IMPG1: variants seen among roughly 807,000 people sequenced by gnomAD.
IMPG1 encodes the protein interphotoreceptor matrix proteoglycan 1.
A neutral mutation model predicts 92.0 loss-of-function variants in IMPG1; 85 were observed. That is an observed-to-expected ratio of 0.92 (90% CI 0.78 to 1.11). The LOEUF is 1.11. Among genes scored for constraint, IMPG1 ranks in the 50% least tolerant of loss-of-function variants. IMPG1 has a pLI of 0.00. For synonymous variants in IMPG1, 367 were observed against 334.1 expected, an observed-to-expected ratio of 1.10 and a Z score of -1.08; for missense variants, 1,022 against 956.0, an observed-to-expected ratio of 1.07 and a Z score of -0.91.
At chr6:75,998,118 G>A (rs1360365666) in intron 12 of IMPG1, among the ~76,000 whole-genome samples, 1 of 152,174 alleles carries the variant, frequency 6.6e-6, no homozygotes, top group Non-Finnish European at 1.5e-5. Flanking sequence ...TGAGTGGTGT[G>A]ACCAGAACTG....
intron 12 of IMPG1, among the ~76,000 whole-genome samples, chr6:75,963,201 G>A (rs192815462): frequency 1.3e-5 from 2 of 152,182 alleles, no homozygotes; most frequent in Admixed American, 1.3e-4. Context: ...AGAGGGGATG[G>A]TATTGCAAGA....
intron 4 of IMPG1, among the ~76,000 whole-genome samples, chr6:76,031,398 C>A (rs1048681551): frequency 9.2e-5 from 14 of 152,158 alleles, no homozygotes; most frequent in Non-Finnish European, 1.5e-4. Context: ...TTCTGCCACA[C>A]CCAATTCTGC....
At chr6:75,939,703 TCTTGCCAC>T (rs1252878775) in intron 14 of IMPG1, among the ~76,000 whole-genome samples, 1 of 152,210 alleles carries the variant, frequency 6.6e-6, no homozygotes, top group African/African-American at 2.4e-5. Context: ...TTAAAAACCC[TCTTGCCAC>T]CTTTACAACT....
chr6:75,953,124 T>A (rs1782062463), intron 12 of IMPG1, among the ~76,000 whole-genome samples: 2 of 152,228 alleles, frequency 1.3e-5, no homozygotes, highest in African/African-American at 4.8e-5. Flanking sequence ...AGAAGCACAA[T>A]GATAGATGTC....
At chr6:76,036,165 A>G (rs564721711) in intron 2 of IMPG1, among the ~76,000 whole-genome samples, 10 of 152,216 alleles carry the variant, frequency 6.6e-5, no homozygotes, top group Non-Finnish European at 1.0e-4. Context: ...CTCAACACCT[A>G]ACTGAAACTA....
chr6:76,011,273 A>T (rs2274349), intron 7 of IMPG1, 49 bp from the exon 8 acceptor site: 316,691 of 947,170 alleles, frequency 0.33, 54,550 homozygotes, highest in East Asian at 0.47. Flanking sequence ...CTGCTGGGTC[A>T]GTTCTTGCCT....
At position 75,955,177 on chromosome 6, in the gene IMPG1, G is replaced by A. The variant is rs895174734; in HGVS notation, c.1292-4083C>T. ...AGTCAACAGTAGCTTTATGGGGATAGCATTTAATCTATAAATTACTTTGGG... is the reference window on the plus strand; with the variant it reads ...AGTCAACAGTAGCTTTATGGGGATAACATTTAATCTATAAATTACTTTGGG... On this transcript the variant is annotated intron_variant, in intron 12 of 16. Coordinates refer to ENST00000369950, the MANE Select transcript of IMPG1 (RefSeq NM_001563.4). Among the ~76,000 whole-genome samples the A allele has an allele frequency of 9.9e-5, 15 of 152,258 alleles. No individual in the cohort carries two copies. The South Asian group carries it at 1.5e-3, about 15-fold the overall frequency.
chr6:76,025,364 G>A, intron 4 of IMPG1, 106 bp from the exon 5 acceptor site: 1 of 527,588 alleles, frequency 1.9e-6, no homozygotes, highest in Non-Finnish European at 3.3e-6. Flanking sequence ...AAAGTTATAG[G>A]AAAAGCATAC....
At chr6:76,007,926 T>C (rs1364901887) in intron 8 of IMPG1, among the ~76,000 whole-genome samples, 5 of 152,234 alleles carry the variant, frequency 3.3e-5, no homozygotes, top group African/African-American at 1.2e-4. Flanking sequence ...CATTAAATGA[T>C]TAGTTTATTC....
At chr6:76,038,594 G>A (rs1783783348) in intron 2 of IMPG1, among the ~76,000 whole-genome samples, 1 of 152,124 alleles carries the variant, frequency 6.6e-6, no homozygotes, top group Non-Finnish European at 1.5e-5. Context: ...CTCAGGGCTG[G>A]GAGGGACCTG....
chr6:76,018,788 T>C lies in IMPG1; in HGVS notation c.737A>G (p.Lys246Arg), dbSNP rs780539976. The part of the protein sequence containing the change: ...VELSVSLVNQ[K>R]FKAELADSQS... ...GGAGTCAGCGAGCTCTGCCTTGAAC[T>C]TCTGGTTTACCAGAGAGACGCTGAG... Residue 246 changes from lysine (K) to arginine (R), a missense_variant, in exon 7 of 17, where the codon AAG becomes AGG. Around this residue, in one of 3 missense-constraint regions of IMPG1, gnomAD observed 681 missense variants for 583.6 expected, o/e 1.17. Transcript: ENST00000369950. 6.2e-7 allele frequency: 1 copy of C among 1,613,266 alleles called. No individual in the cohort carries two copies. The highest frequency in any genetic ancestry group is 1.3e-5 in the African/African-American group (1 of 74,840).
At chr6:76,060,560 G>A (rs1784189010) in intron 1 of IMPG1, among the ~76,000 whole-genome samples, 1 of 152,134 alleles carries the variant, frequency 6.6e-6, no homozygotes, top group Non-Finnish European at 1.5e-5. Context: ...ATCTGCCTTG[G>A]TGCTCTTGTT....
At chr6:75,974,392 T>TC (rs1554230327) in intron 12 of IMPG1, among the ~76,000 whole-genome samples, 1 of 59,524 alleles carries the variant, frequency 1.7e-5, no homozygotes, top group East Asian at 5.8e-4. Context: ...TCTTTCTTTC[T>TC]TTTCTTTCTT....
intron 7 of IMPG1, among the ~76,000 whole-genome samples, chr6:76,018,218 A>G (rs1428966046): frequency 6.6e-6 from 1 of 152,234 alleles, no homozygotes; most frequent in African/African-American, 2.4e-5. Context: ...TAATTTATAA[A>G]TTAGGCACAG....
chr6:76,048,663 C>T (rs1464798509), intron 1 of IMPG1, among the ~76,000 whole-genome samples: 1 of 152,170 alleles, frequency 6.6e-6, no homozygotes, highest in Non-Finnish European at 1.5e-5. Context: ...CACAAACACG[C>T]TATTATTTTA....
At chr6:76,035,517 A>G (rs1582120840) in intron 2 of IMPG1, among the ~76,000 whole-genome samples, 1 of 151,304 alleles carries the variant, frequency 6.6e-6, no homozygotes, top group East Asian at 1.9e-4. Context: ...AAAAAAAAAA[A>G]AAAAAAAGAA....
chr6:75,924,713 A>ATT (rs1554226566), intron 15 of IMPG1, among the ~76,000 whole-genome samples: 278 of 9,434 alleles, frequency 0.029, 77 homozygotes, highest in African/African-American at 0.09. Flanking sequence ...TATAATATAT[A>ATT]ATATATAATA....
intron 6 of IMPG1, among the ~76,000 whole-genome samples, chr6:76,021,546 C>A (rs1199956530): frequency 6.6e-6 from 1 of 152,012 alleles, no homozygotes; most frequent in African/African-American, 2.4e-5. Flanking sequence ...ATCCCACATA[C>A]CTTCACACTC....
intron 12 of IMPG1, among the ~76,000 whole-genome samples, chr6:75,962,311 A>T (rs1050285035): frequency 6.6e-5 from 10 of 151,822 alleles, no homozygotes; most frequent in Non-Finnish European, 1.3e-4. Flanking sequence ...TTTTATGTAG[A>T]AATGGGGGTC....
Sources: gnomAD v4.1 joint callset for allele counts (sites outside exome capture counted in the v4.1 genomes callset) on GRCh38, gnomAD v4.1.1 for gene constraint, gnomAD v4.1.1 regional missense constraint, MANE v1.5 for transcripts, NCBI Gene and HGNC (gene_info 2026-07-23, HGNC 2026-07-21) for gene names.